Variants in TRIM55 observed in about 807,000 individuals in gnomAD.
TRIM55 encodes the protein tripartite motif-containing protein 55.
TRIM55 carries 50 observed loss-of-function variants against 60.9 expected under a neutral mutation model. That is an observed-to-expected ratio of 0.82 (90% CI 0.65 to 1.04). The LOEUF is 1.04. TRIM55 is among the 50% of genes least tolerant of loss of function. TRIM55 has a pLI of 0.00. For missense variants in TRIM55, 681 were observed against 666.9 expected, an observed-to-expected ratio of 1.02 and a Z score of -0.23; for synonymous variants, 237 against 238.1, an observed-to-expected ratio of 1.00 and a Z score of 0.04.
rs555892747 is a variant in TRIM55 at position 66,160,451 on chromosome 8, T to A, written c.1524+6117T>A. On this transcript the variant is annotated intron_variant, in intron 9 of 9. Transcript: ENST00000315962. The stretch of plus-strand genomic sequence containing the variant: ...TGGGCTGGTTTCATAATTTTTCAAT[T>A]GTGAATTGTGCTGCTATAAACATGC... Among the ~76,000 whole-genome samples the A allele has an allele frequency of 3.3e-5, 5 of 152,224 alleles. No homozygotes were observed. In the Middle Eastern group the frequency reaches 0.01, roughly 311 times the overall value.
intron 9 of TRIM55, among the ~76,000 whole-genome samples, chr8:66,168,166 T>C (rs1455672265): frequency 1.3e-5 from 2 of 152,194 alleles, no homozygotes; most frequent in Non-Finnish European, 2.9e-5. Context: ...TAACATACCT[T>C]GATTGCTCTG....
At chr8:66,139,028 G>T (rs770880769) in intron 4 of TRIM55, among the ~76,000 whole-genome samples, 1 of 152,050 alleles carries the variant, frequency 6.6e-6, no homozygotes, top group Non-Finnish European at 1.5e-5. Flanking sequence ...TTCCTGAAAA[G>T]ATCCATGATC....
intron 2 of TRIM55, among the ~76,000 whole-genome samples, chr8:66,130,318 G>A (rs561320884): frequency 6.6e-6 from 1 of 152,328 alleles, no homozygotes; most frequent in Admixed American, 6.5e-5. Flanking sequence ...GTGATTTTCT[G>A]TGATTTTGTT....
At chr8:66,137,310 GCCT>G (rs773135412) in intron 4 of TRIM55, 120 bp downstream of exon 4, 2 of 675,224 alleles carry the variant, frequency 3.0e-6, no homozygotes, top group Non-Finnish European at 5.0e-6. Flanking sequence ...TTCTAGAATG[GCCT>G]CCTTCCTGAT....
intron 9 of TRIM55, 102 bp downstream of exon 9, chr8:66,154,436 G>T (rs1810628956): frequency 3.2e-6 from 4 of 1,249,856 alleles, no homozygotes; most frequent in Non-Finnish European, 4.4e-6. Context: ...GGGGCAGAGA[G>T]AAACCTCAGC....
intron 4 of TRIM55, among the ~76,000 whole-genome samples, chr8:66,147,516 G>A (rs1024748750): frequency 6.6e-6 from 1 of 152,022 alleles, no homozygotes; most frequent in Non-Finnish European, 1.5e-5. Context: ...AATCTATTCC[G>A]CCAGGATTGG....
chr8:66,136,383 TCTC>T (rs1809481853), intron 3 of TRIM55, among the ~76,000 whole-genome samples: 1 of 152,314 alleles, frequency 6.6e-6, no homozygotes, highest in Admixed American at 6.5e-5. Flanking sequence ...GGTCCAATCT[TCTC>T]CTTCTAAATG....
At chr8:66,145,041 A>T (rs567036500) in intron 4 of TRIM55, among the ~76,000 whole-genome samples, 86 of 152,142 alleles carry the variant, frequency 5.7e-4, no homozygotes, top group Non-Finnish European at 1.0e-3. Context: ...TTTTTTTTTC[A>T]TGGCACATAT....
chr8:66,114,090 C>G, the TRIM55 span, among the ~76,000 whole-genome samples: 1 of 137,032 alleles, frequency 7.3e-6, no homozygotes, highest in African/African-American at 2.7e-5. Flanking sequence ...ACACCCCCCC[C>G]CCCATTATTT....
chr8:66,167,764 T>C (rs1811405428), intron 9 of TRIM55, among the ~76,000 whole-genome samples: 1 of 152,182 alleles, frequency 6.6e-6, no homozygotes. Context: ...TTTTCTTTTT[T>C]TTTAGAAAAA....
chr8:66,113,551 G>T, the TRIM55 span: 1 of 456,302 alleles, frequency 2.2e-6, no homozygotes, highest in Non-Finnish European at 4.4e-6. Context: ...CGAGCAGTTT[G>T]AAAGTCTAGC....
At chr8:66,121,269 T>C in the TRIM55 span, among the ~76,000 whole-genome samples, 2 of 152,330 alleles carry the variant, frequency 1.3e-5, no homozygotes, top group East Asian at 3.9e-4. Context: ...CTTAACATAC[T>C]CCAGCCCCAG....
chr8:66,149,708 G>T lies in TRIM55; in HGVS notation c.667G>T (p.Glu223Ter). ...EKFDYLYGIL[E>*]ERKNEMTQVI... ...GTTTGATTACCTGTATGGCATTTTG[G>T]AGGAGAGGAAGAATGAAATGACCCA... is the stretch of plus-strand genomic sequence containing the variant. Residue 223 changes from glutamate to a stop codon, truncating the protein, a stop_gained, in exon 5 of 10, where the codon GAG becomes TAG. Transcript: ENST00000315962. LOFTEE classifies it high-confidence loss of function. 6.2e-7 allele frequency: 1 copy of T among 1,614,178 alleles called. No individual in the cohort carries two copies. The highest frequency in any genetic ancestry group is 1.1e-5 in the South Asian group (1 of 91,084).
chr8:66,114,271 C>T, the TRIM55 span, among the ~76,000 whole-genome samples: 1 of 152,130 alleles, frequency 6.6e-6, no homozygotes, highest in African/African-American at 2.4e-5. Context: ...AGTTTTCCTT[C>T]CTGTCCCGTA....
At chr8:66,124,423 G>A (rs189352364), upstream of TRIM55, among the ~76,000 whole-genome samples, 2 of 152,150 alleles carry the variant, frequency 1.3e-5, no homozygotes, top group African/African-American at 2.4e-5. Context: ...TCAAGCCACC[G>A]TGGCTCTGAG....
At chr8:66,160,322 C>T (rs959324830) in intron 9 of TRIM55, among the ~76,000 whole-genome samples, 1 of 151,332 alleles carries the variant, frequency 6.6e-6, no homozygotes, top group African/African-American at 2.4e-5. Context: ...AATGCCCTTA[C>T]TTCATTCCTT....
chr8:66,150,356 C>T lies in TRIM55; in HGVS notation c.875C>T (p.Ser292Leu), dbSNP rs1378232647. 3 of 1,614,042 alleles carry T rather than the reference C, an allele frequency of 1.9e-6. No individual in the cohort carries two copies. The African/African-American group carries it at 4.0e-5, about 22-fold the overall frequency. ...KTLLKKISEA[S>L]KAFQMEKIEH... Reference sequence around the variant, plus strand: ...CTTTGTTGCAGAATCTCGGAAGCATCAAAGGCATTTCAGATGGAGAAAATA... The same window carrying T: ...CTTTGTTGCAGAATCTCGGAAGCATTAAAGGCATTTCAGATGGAGAAAATA... Residue 292 changes from serine to leucine, a missense_variant, in exon 7 of 10, where the codon TCA becomes TTA. Coordinates refer to ENST00000315962, the MANE Select transcript of TRIM55 (RefSeq NM_184085.2).
chr8:66,145,430 T>C (rs1293461838), intron 4 of TRIM55, among the ~76,000 whole-genome samples: 1 of 152,208 alleles, frequency 6.6e-6, no homozygotes, highest in African/African-American at 2.4e-5. Context: ...GTTTTTTCCA[T>C]TAGGAATTAG....
chr8:66,164,187 G>A (rs959837441), intron 9 of TRIM55, among the ~76,000 whole-genome samples: 11 of 152,074 alleles, frequency 7.2e-5, no homozygotes, highest in African/African-American at 2.7e-4. Flanking sequence ...ATTCCACATG[G>A]CAGGCCATGG....
Sources: allele counts gnomAD v4.1 joint callset (sites outside exome capture counted in the v4.1 genomes callset), GRCh38; gene constraint gnomAD v4.1.1; transcripts MANE v1.5; gene names NCBI Gene and HGNC (gene_info 2026-07-23, HGNC 2026-07-21).